Variants in PKP4 observed in about 807,000 individuals in gnomAD.
The protein encoded by PKP4 is plakophilin 4, also known as plakophilin-4.
Under a neutral mutation model 145.1 loss-of-function variants are expected in PKP4, and 90 were observed. The ratio of observed to expected loss-of-function variants is 0.62; its 90% CI spans 0.52 to 0.74. The LOEUF (loss-of-function observed/expected upper bound fraction) is 0.74, where lower values mean the gene tolerates loss of function less well. Among genes scored for constraint, PKP4 ranks in the 30% least tolerant of loss-of-function variants. The pLI is 0.00. For synonymous variants in PKP4, 563 were observed against 577.2 expected (o/e 0.98, Z 0.35); for missense variants, 1,340 against 1,482.7 (o/e 0.90, Z 1.58).
At position 158,680,685 on chromosome 2, in the gene PKP4, A is replaced by T; in HGVS notation, c.*8A>T. 1 of 1,599,590 alleles carries T rather than the reference A, an allele frequency of 6.3e-7. No individual in the cohort carries two copies. The highest frequency in any genetic ancestry group is 8.5e-7 in the Non-Finnish European group (1 of 1,174,188). On this transcript the variant is annotated 3_prime_UTR_variant, in exon 22 of 22. Transcript: ENST00000389759. ...CCAGACTCATGGGTGTAGCATCAAG[A>T]TGCCCAACAGAGGAACTCTTTCTTT...
At chr2:158,522,308 T>C (rs1045828971) in intron 1 of PKP4, among the ~76,000 whole-genome samples, 4 of 152,196 alleles carry the variant, frequency 2.6e-5, no homozygotes, top group African/African-American at 7.2e-5. Flanking sequence ...ATATATTGAA[T>C]AATAGGTTAC....
intron 1 of PKP4, among the ~76,000 whole-genome samples, chr2:158,486,050 A>G (rs1694123378): frequency 1.3e-5 from 2 of 152,188 alleles, no homozygotes; most frequent in Admixed American, 6.5e-5. Flanking sequence ...AGTTCAAAGT[A>G]AAAGAATTAC....
At chr2:158,493,040 A>C (rs1695173172) in intron 1 of PKP4, among the ~76,000 whole-genome samples, 1 of 152,168 alleles carries the variant, frequency 6.6e-6, no homozygotes, top group Non-Finnish European at 1.5e-5. Context: ...AAATTATAAC[A>C]GTCCTTTGAC....
At chr2:158,622,169 CCAT>C (rs376206958) in intron 6 of PKP4, among the ~76,000 whole-genome samples, 75 of 152,286 alleles carry the variant, frequency 4.9e-4, no homozygotes, top group African/African-American at 1.7e-3. Context: ...AAGGTTATTA[CCAT>C]CATCACTGGA....
chr2:158,586,971 A>G lies in PKP4; in HGVS notation c.245+9588A>G, dbSNP rs186169671. Among the ~76,000 whole-genome samples the G allele has an allele frequency of 4.3e-3, 657 of 152,366 alleles. 5 individuals carry two copies. Among genetic ancestry groups the G allele is most frequent in the South Asian group, 0.034 (163 of 4,830 alleles). ...TTTTAAGCTAAAAATGTCACCATGAAGAATTTTAAACAATATATCTTTTAT... is the reference window on the plus strand; with the variant it reads ...TTTTAAGCTAAAAATGTCACCATGAGGAATTTTAAACAATATATCTTTTAT... On this transcript the variant is annotated intron_variant, in intron 3 of 21. Transcript: ENST00000389759.
intron 2 of PKP4, among the ~76,000 whole-genome samples, chr2:158,573,380 A>G (rs1390212288): frequency 6.6e-6 from 1 of 152,228 alleles, no homozygotes; most frequent in Non-Finnish European, 1.5e-5. Flanking sequence ...TAAGCACCAA[A>G]TTTAGGGTAA....
At chr2:158,612,466 A>G (rs2051230788) in intron 4 of PKP4, among the ~76,000 whole-genome samples, 1 of 152,180 alleles carries the variant, frequency 6.6e-6, no homozygotes, top group African/African-American at 2.4e-5. Context: ...CTTTCTGCAC[A>G]TATATGAGTG....
intron 11 of PKP4, among the ~76,000 whole-genome samples, chr2:158,655,781 C>T (rs1277885141): frequency 6.6e-6 from 1 of 152,210 alleles, no homozygotes; most frequent in Non-Finnish European, 1.5e-5. Flanking sequence ...CACCCTTTTC[C>T]CACTGATGAC....
chr2:158,540,244 G>A (rs1476391065), intron 2 of PKP4, among the ~76,000 whole-genome samples: 1 of 152,160 alleles, frequency 6.6e-6, no homozygotes, highest in Non-Finnish European at 1.5e-5. Context: ...TATTGACACT[G>A]AGGGGTTTGT....
At chr2:158,462,945 T>C (rs1314417488) in intron 1 of PKP4, among the ~76,000 whole-genome samples, 5 of 152,208 alleles carry the variant, frequency 3.3e-5, no homozygotes, top group African/African-American at 9.6e-5. Context: ...TATTTTTACA[T>C]TGTGGTGCTT....
intron 2 of PKP4, among the ~76,000 whole-genome samples, chr2:158,569,408 G>C (rs1368980856): frequency 1.3e-5 from 2 of 152,124 alleles, no homozygotes; most frequent in African/African-American, 4.8e-5. Flanking sequence ...CAGGCAATGG[G>C]CATAGCATAG....
At chr2:158,557,210 C>T (rs183771747) in intron 2 of PKP4, among the ~76,000 whole-genome samples, 71 of 152,178 alleles carry the variant, frequency 4.7e-4, no homozygotes, top group African/African-American at 1.6e-3. Context: ...GCATAGAAAG[C>T]CTTAGTATAT....
At chr2:158,517,355 C>T (rs548994293) in intron 1 of PKP4, among the ~76,000 whole-genome samples, 1 of 152,230 alleles carries the variant, frequency 6.6e-6, no homozygotes, top group Non-Finnish European at 1.5e-5. Context: ...TCTTCTGCCC[C>T]ACCTAGAATA....
rs149262811 is a variant in PKP4 at position 158,515,566 on chromosome 2, A to T, written c.-5-17614A>T. 3.7e-4 allele frequency among the ~76,000 whole-genome samples: 57 copies of T among 152,286 alleles called. 1 individual carries two copies. Among genetic ancestry groups the T allele is most frequent in the Non-Finnish European group, 6.9e-4 (47 of 68,008 alleles). Reference sequence around the variant, plus strand: ...AAAAGAGCTTTAATTTTTCTGTACCATTTCTTAAAAGTATTAATGTTTTTC... The same window carrying T: ...AAAAGAGCTTTAATTTTTCTGTACCTTTTCTTAAAAGTATTAATGTTTTTC... On this transcript the variant is annotated intron_variant, in intron 1 of 21. Coordinates refer to ENST00000389759, the MANE Select transcript of PKP4 (RefSeq NM_003628.6).
chr2:158,639,708 A>G (rs962702381), intron 9 of PKP4, among the ~76,000 whole-genome samples: 2 of 152,188 alleles, frequency 1.3e-5, no homozygotes, highest in African/African-American at 4.8e-5. Flanking sequence ...AATGGATGTT[A>G]GCTGAAAAAA....
intron 6 of PKP4, among the ~76,000 whole-genome samples, chr2:158,623,206 C>T (rs73006910): frequency 6.6e-6 from 1 of 152,254 alleles, no homozygotes; most frequent in African/African-American, 2.4e-5. Context: ...AGGTCTCACT[C>T]TGTCACCCAG....
chr2:158,517,143 A>T lies in PKP4; in HGVS notation c.-5-16037A>T, dbSNP rs565293943. On this transcript the variant is annotated intron_variant, in intron 1 of 21. Transcript: ENST00000389759. ...ATCTTTGTTAACACTAGCATTTGAT[A>T]TGAAAAACTAATGATGAAAACAAAT... Among the ~76,000 whole-genome samples the T allele has an allele frequency of 3.9e-5, 6 of 152,316 alleles. No homozygotes were observed. In the South Asian group the frequency reaches 1.2e-3, roughly 32 times the overall value.
chr2:158,599,925 TAAG>T (rs1429983179), intron 3 of PKP4, among the ~76,000 whole-genome samples: 4 of 152,084 alleles, frequency 2.6e-5, no homozygotes, highest in African/African-American at 9.7e-5. Flanking sequence ...AACAGCAAAA[TAAG>T]GAGAGTTTTC....
intron 11 of PKP4, among the ~76,000 whole-genome samples, chr2:158,654,442 T>G (rs2055711014): frequency 6.6e-6 from 1 of 152,224 alleles, no homozygotes; most frequent in African/African-American, 2.4e-5. Context: ...GATAGCATAG[T>G]CAACTTGTCT....
Sources: allele counts gnomAD v4.1 joint callset (sites outside exome capture counted in the v4.1 genomes callset), GRCh38; gene constraint gnomAD v4.1.1; transcripts MANE v1.5; gene names NCBI Gene and HGNC (gene_info 2026-07-23, HGNC 2026-07-21).